Variants in DLGAP1 observed in about 807,000 individuals in gnomAD.
DLGAP1 encodes disks large-associated protein 1.
A neutral mutation model predicts 90.8 loss-of-function variants in DLGAP1; 11 were observed. The ratio of observed to expected loss-of-function variants is 0.12; its 90% CI spans 0.08 to 0.20. The LOEUF is 0.20. DLGAP1 is among the 10% of genes least tolerant of loss of function. DLGAP1 has a pLI of 1.00. For synonymous variants in DLGAP1, 558 were observed against 540.7 expected, an observed-to-expected ratio of 1.03 and a Z score of -0.44; for missense variants, 1,050 against 1,333.8, an observed-to-expected ratio of 0.79 and a Z score of 3.31.
chr18:4,099,329 ATCTATCTATCTATCTATCTGTCTGTCTG>A (rs1568395971), intron 2 of DLGAP1, among the ~76,000 whole-genome samples: 2 of 145,668 alleles, frequency 1.4e-5, no homozygotes, highest in African/African-American at 5.3e-5. Flanking sequence ...CTATCTATCT[ATCTATCTATCTATCTATCTGTCTGTCTG>A]TCTATCTTTT....
chr18:4,181,091 T>C (rs1024866600), intron 1 of DLGAP1, among the ~76,000 whole-genome samples: 2 of 152,210 alleles, frequency 1.3e-5, no homozygotes, highest in Admixed American at 6.5e-5. Context: ...CCTAACTTAG[T>C]AAGGTGATTT....
chr18:4,191,025 A>C (rs2077388924), intron 1 of DLGAP1, among the ~76,000 whole-genome samples: 1 of 152,150 alleles, frequency 6.6e-6, no homozygotes, highest in South Asian at 2.1e-4. Flanking sequence ...AGAAAGAGAA[A>C]GTATCTAGAA....
chr18:4,427,110 A>G, intron 1 of DLGAP1, among the ~76,000 whole-genome samples: 1 of 152,228 alleles, frequency 6.6e-6, no homozygotes, highest in East Asian at 1.9e-4. Flanking sequence ...CAGAGTTTTT[A>G]TCATCTTGTA....
At chr18:3,959,464 C>T (rs796738932) in intron 3 of DLGAP1, among the ~76,000 whole-genome samples, 10 of 151,978 alleles carry the variant, frequency 6.6e-5, no homozygotes, top group African/African-American at 1.7e-4. Flanking sequence ...GTCAGGAGTC[C>T]GAGACCAGCC....
chr18:3,940,203 T>A (rs564735826), intron 3 of DLGAP1, among the ~76,000 whole-genome samples: 2 of 152,318 alleles, frequency 1.3e-5, no homozygotes, highest in Middle Eastern at 3.4e-3. Context: ...ACAGCTACCA[T>A]GCAATTGCCA....
At chr18:4,427,109 T>C (rs1027323494) in intron 1 of DLGAP1, among the ~76,000 whole-genome samples, 3 of 152,224 alleles carry the variant, frequency 2.0e-5, no homozygotes, top group African/African-American at 7.2e-5. Flanking sequence ...TCAGAGTTTT[T>C]ATCATCTTGT....
At chr18:4,039,720 T>A (rs560402491) in intron 2 of DLGAP1, among the ~76,000 whole-genome samples, 1 of 152,354 alleles carries the variant, frequency 6.6e-6, no homozygotes, top group South Asian at 2.1e-4. Flanking sequence ...GTGATAACAC[T>A]AACTTATTTG....
chr18:4,367,721 C>A (rs970783999), intron 1 of DLGAP1, among the ~76,000 whole-genome samples: 13 of 152,040 alleles, frequency 8.6e-5, no homozygotes, highest in Non-Finnish European at 1.6e-4. Context: ...TCGTGGCAGG[C>A]ACCTGCAGTC....
At chr18:4,059,513 G>A (rs1409898139) in intron 2 of DLGAP1, among the ~76,000 whole-genome samples, 5 of 152,124 alleles carry the variant, frequency 3.3e-5, no homozygotes, top group African/African-American at 4.8e-5. Flanking sequence ...GGAGTTTGAG[G>A]CCAACCTAAC....
intron 9 of DLGAP1, among the ~76,000 whole-genome samples, chr18:3,550,491 G>C (rs2053326554): frequency 6.6e-6 from 1 of 152,158 alleles, no homozygotes; most frequent in South Asian, 2.1e-4. Context: ...CTCCCTAAGA[G>C]TTGGGATTAC....
intron 1 of DLGAP1, among the ~76,000 whole-genome samples, chr18:4,324,949 T>C (rs763956564): frequency 3.3e-5 from 5 of 152,236 alleles, no homozygotes; most frequent in Middle Eastern, 3.4e-3. Context: ...TCTTTGAATA[T>C]TGGCACAAGG....
intron 1 of DLGAP1, among the ~76,000 whole-genome samples, chr18:4,358,896 C>G (rs2081577337): frequency 6.6e-6 from 1 of 152,206 alleles, no homozygotes; most frequent in South Asian, 2.1e-4. Flanking sequence ...CCACATTCTC[C>G]AAGAGCTCTG....
At chr18:4,060,313 G>A (rs2075281147) in intron 2 of DLGAP1, among the ~76,000 whole-genome samples, 1 of 152,164 alleles carries the variant, frequency 6.6e-6, no homozygotes, top group Non-Finnish European at 1.5e-5. Context: ...GTTGGGTAAT[G>A]GGGCAAATGG....
intron 9 of DLGAP1, among the ~76,000 whole-genome samples, chr18:3,550,734 C>CTTTTTTT (rs1165404588): frequency 5.9e-5 from 5 of 85,204 alleles, no homozygotes; most frequent in Admixed American, 1.7e-4. Context: ...GAACCAGACC[C>CTTTTTTT]TTTTTTTTTT....
intron 8 of DLGAP1, among the ~76,000 whole-genome samples, chr18:3,577,466 G>C (rs911072147): frequency 6.6e-6 from 1 of 152,136 alleles, no homozygotes; most frequent in Admixed American, 6.5e-5. Context: ...AATTAAAAAC[G>C]CTTAGGATGT....
intron 7 of DLGAP1, among the ~76,000 whole-genome samples, chr18:3,676,698 T>G (rs1004017758): frequency 1.6e-4 from 25 of 152,114 alleles, no homozygotes; most frequent in Admixed American, 6.6e-5. Flanking sequence ...TCCTGTTTTT[T>G]TTTTTTAGAA....
intron 2 of DLGAP1, among the ~76,000 whole-genome samples, chr18:4,006,389 T>G (rs2074300827): frequency 1.3e-5 from 2 of 152,188 alleles, no homozygotes; most frequent in South Asian, 4.1e-4. Flanking sequence ...AAGCACCATT[T>G]CATTTCTCAT....
At chr18:3,505,853 T>C (rs995104202) in intron 11 of DLGAP1, among the ~76,000 whole-genome samples, 1 of 152,132 alleles carries the variant, frequency 6.6e-6, no homozygotes, top group Non-Finnish European at 1.5e-5. Flanking sequence ...TTACCACCTA[T>C]GCCCTTCTAG....
At chr18:4,347,254 A>G (rs550511938) in intron 1 of DLGAP1, among the ~76,000 whole-genome samples, 1 of 152,222 alleles carries the variant, frequency 6.6e-6, no homozygotes, top group African/African-American at 2.4e-5. Context: ...TGTCATGGTA[A>G]AAATCTACAA....
Sources: allele counts gnomAD v4.1 joint callset (sites outside exome capture counted in the v4.1 genomes callset), GRCh38; gene constraint gnomAD v4.1.1; transcripts MANE v1.5; gene names NCBI Gene and HGNC (gene_info 2026-07-23, HGNC 2026-07-21).